The following APCDD1L variants were observed in gnomAD, a reference collection of about 807,000 sequenced individuals.
The protein encoded by APCDD1L is protein APCDD1-like.
Under a neutral mutation model 24.2 loss-of-function variants are expected in APCDD1L, and 21 were observed. The observed-to-expected ratio is 0.87, with a 90% CI of 0.61 to 1.25. The LOEUF (loss-of-function observed/expected upper bound fraction) is 1.25. Ranked by LOEUF, APCDD1L falls within the 50% of genes most tolerant of loss-of-function variation. APCDD1L has a pLI of 0.00. For missense variants in APCDD1L, 704 were observed against 711.7 expected (o/e 0.99, Z 0.12); for synonymous variants, 321 against 323.6 (o/e 0.99, Z 0.09).
rs1461494138 is a variant in APCDD1L, at chr20:58,467,969, G to T, written c.189-311C>A. The stretch of plus-strand genomic sequence containing the variant: ...CCCGCTGGCCTGGGAGCTCCGGGAT[G>T]CCCTGCCTGCTTCCTCCCCCGCTGG... On this transcript the variant is annotated intron_variant, in intron 2 of 3. Coordinates refer to ENST00000371149, the MANE Select transcript of APCDD1L (RefSeq NM_153360.3). This position sits in a 1 kb window ranked among gnomAD's most constrained non-coding sequence, Gnocchi z 5.9. 6.6e-6 allele frequency among the ~76,000 whole-genome samples: 1 copy of T among 152,140 alleles called. No individual in the cohort carries two copies. Among genetic ancestry groups the T allele is most frequent in the Non-Finnish European group, 1.5e-5 (1 of 68,026 alleles).
intron 1 of APCDD1L, among the ~76,000 whole-genome samples, chr20:58,487,909 TA>T (rs1990152755): frequency 6.6e-6 from 1 of 152,140 alleles, no homozygotes; most frequent in East Asian, 1.9e-4. Flanking sequence ...CACCAAAGCT[TA>T]AAAAACACAA....
chr20:58,503,772 C>T (rs1212525511), intron 1 of APCDD1L, among the ~76,000 whole-genome samples: 1 of 152,230 alleles, frequency 6.6e-6, no homozygotes, highest in Non-Finnish European at 1.5e-5. Flanking sequence ...TATAGGTTAG[C>T]TGCTTTGGTT....
intron 1 of APCDD1L, among the ~76,000 whole-genome samples, chr20:58,490,041 A>G (rs867410601): frequency 3.9e-5 from 6 of 152,158 alleles, no homozygotes; most frequent in African/African-American, 1.2e-4. Flanking sequence ...GTTTTCCTAC[A>G]TGTTTTAGAT....
chr20:58,466,182 C>G (rs1248753651), intron 3 of APCDD1L, among the ~76,000 whole-genome samples: 4 of 149,526 alleles, frequency 2.7e-5, no homozygotes, highest in African/African-American at 9.9e-5. Flanking sequence ...CAAATTAGGA[C>G]GGTATGCGTG....
At chr20:58,503,605 C>T (rs573366815) in intron 1 of APCDD1L, among the ~76,000 whole-genome samples, 2 of 152,192 alleles carry the variant, frequency 1.3e-5, no homozygotes, top group Non-Finnish European at 2.9e-5. Context: ...CTTTTCCTCC[C>T]TCTTTCTATA....
rs1341540346 is a variant in APCDD1L, at chr20:58,497,210, G to C, written c.49+17449C>G. On this transcript the variant is annotated intron_variant, in intron 1 of 3. Coordinates refer to ENST00000371149, the MANE Select transcript of APCDD1L (RefSeq NM_153360.3). This position sits in a 1 kb window ranked among gnomAD's most constrained non-coding sequence, Gnocchi z 4.3. ...AAAGGGGCCTCCTGGGGGTGAGGGG[G>C]CATGCAGCGGGTGGAGGCTGAGGGG... Among the ~76,000 whole-genome samples, 1 of 151,754 alleles carries C rather than the reference G, an allele frequency of 6.6e-6. No homozygotes were observed. The highest frequency in any genetic ancestry group is 2.4e-5 in the African/African-American group (1 of 41,276).
chr20:58,488,950 C>T (rs1487961335), intron 1 of APCDD1L, among the ~76,000 whole-genome samples: 3 of 151,988 alleles, frequency 2.0e-5, no homozygotes, highest in Non-Finnish European at 4.4e-5. Flanking sequence ...TTAGATCAAC[C>T]TCTGCTAAGA....
intron 1 of APCDD1L, among the ~76,000 whole-genome samples, chr20:58,500,989 G>A (rs1217314269): frequency 6.6e-6 from 1 of 152,132 alleles, no homozygotes; most frequent in African/African-American, 2.4e-5. Flanking sequence ...ACTCTGCCAG[G>A]TACCCCACAG....
chr20:58,514,507 G>T, intron 1 of APCDD1L, 152 bp downstream of exon 1: 2 of 774,234 alleles, frequency 2.6e-6, no homozygotes, highest in African/African-American at 1.8e-5. Flanking sequence ...CCGGCCAGGT[G>T]AGACTGGAGA....
intron 1 of APCDD1L, among the ~76,000 whole-genome samples, chr20:58,492,198 G>A (rs756925069): frequency 6.6e-6 from 1 of 152,252 alleles, no homozygotes; most frequent in Non-Finnish European, 1.5e-5. Context: ...AGAAAGGCAA[G>A]CTGGTAAATA....
chr20:58,467,706 C>A lies in APCDD1L; in HGVS notation c.189-48G>T. On this transcript the variant is annotated intron_variant, in intron 2 of 3. Coordinates refer to ENST00000371149, the MANE Select transcript of APCDD1L (RefSeq NM_153360.3). The surrounding 1 kb of genome is among the most constrained non-coding windows in gnomAD (Gnocchi z 5.9). Reference sequence around the variant, plus strand: ...GCTGGGTGCAGAGGGAACACCGCGCCGCGAGCCCCTCTCCCCTCTGGGCTG... The same window carrying A: ...GCTGGGTGCAGAGGGAACACCGCGCAGCGAGCCCCTCTCCCCTCTGGGCTG... The A allele has an allele frequency of 7.1e-7, 1 of 1,402,750 alleles. No homozygotes were observed. Among genetic ancestry groups the A allele is most frequent in the East Asian group, 2.9e-5 (1 of 34,532 alleles). 86.9% of individuals were successfully genotyped at this position (1,402,750 alleles called of 1,614,324 possible). A position where few individuals can be genotyped will look rare whatever the true frequency, so the allele number is the denominator to read the frequency against.
chr20:58,493,448 C>G (rs549342691), intron 1 of APCDD1L, among the ~76,000 whole-genome samples: 1 of 152,144 alleles, frequency 6.6e-6, no homozygotes, highest in Non-Finnish European at 1.5e-5. Context: ...TAGAGACAAA[C>G]GAGATGATGG....
rs777933315 is a variant in APCDD1L at position 58,467,191 on chromosome 20, A to G, written c.656T>C (p.Leu219Pro). The G allele has an allele frequency of 1.9e-6, 3 of 1,606,058 alleles. No individual in the cohort carries two copies. The highest frequency in any genetic ancestry group is 1.7e-5 in the Admixed American group (1 of 59,948). Residue 219 changes from leucine (L) to proline (P), a missense_variant, in exon 3 of 4, where the codon CTG becomes CCG. By Grantham distance (98) the Leu-to-Pro change is moderately conservative (BLOSUM62 -3). Transcript: ENST00000371149. The surrounding 1 kb of genome is among the most constrained non-coding windows in gnomAD (Gnocchi z 5.9). ...GTCGGTGTGGATGTCCCCCAGGTAC[A>G]GCTCCTCCACCAGCCGGGGCGACGC... is the stretch of plus-strand genomic sequence containing the variant. The part of the protein sequence containing the change: ...PRASPRLVEE[L>P]YLGDIHTDPA...
intron 1 of APCDD1L, among the ~76,000 whole-genome samples, chr20:58,495,537 G>A (rs1161727526): frequency 1.3e-5 from 2 of 151,948 alleles, no homozygotes; most frequent in African/African-American, 4.8e-5. Context: ...CCCGAGGGCA[G>A]GGACCTCGAC....
rs1990721760 is a variant in APCDD1L at position 58,515,260 on chromosome 20, GCGTCAA to G, written c.-559_-554del. 1.0e-5 allele frequency: 2 copies of G among 198,362 alleles called. No homozygotes were observed. Among genetic ancestry groups the G allele is most frequent in the Non-Finnish European group, 2.0e-5 (2 of 99,210 alleles). 12.3% of individuals were successfully genotyped at this position (198,362 alleles called of 1,614,324 possible). A position where few individuals can be genotyped will look rare whatever the true frequency, so the allele number is the denominator to read the frequency against. On this transcript the variant is annotated 5_prime_UTR_variant, in exon 1 of 4. Coordinates refer to ENST00000371149, the MANE Select transcript of APCDD1L (RefSeq NM_153360.3). ...TCTTCCAGCTACTCCTGGAAAAGTC[GCGTCAA>G]CTTGGATCCCAGCAAACCCAGAAGC...
intron 1 of APCDD1L, among the ~76,000 whole-genome samples, chr20:58,513,244 C>T (rs943560126): frequency 1.3e-5 from 2 of 152,202 alleles, no homozygotes; most frequent in Non-Finnish European, 2.9e-5. Flanking sequence ...CGCGCTTCCA[C>T]AGCTGGCCCC....
intron 3 of APCDD1L, among the ~76,000 whole-genome samples, chr20:58,464,723 T>A (rs1353919953): frequency 6.6e-6 from 1 of 152,184 alleles, no homozygotes; most frequent in Non-Finnish European, 1.5e-5. Flanking sequence ...TCTAAAAATG[T>A]TCATGTTTAC....
At chr20:58,509,641 C>T (rs2123196721) in intron 1 of APCDD1L, among the ~76,000 whole-genome samples, 1 of 152,260 alleles carries the variant, frequency 6.6e-6, no homozygotes, top group Admixed American at 6.5e-5. Context: ...TCATTATTAC[C>T]AGGCTCTGAA....
At chr20:58,487,755 A>G (rs559765328) in intron 1 of APCDD1L, among the ~76,000 whole-genome samples, 1 of 152,356 alleles carries the variant, frequency 6.6e-6, no homozygotes, top group Admixed American at 6.5e-5. Context: ...CAACCTGCCA[A>G]GAAAAGATGG....
Sources: allele counts gnomAD v4.1 joint callset (sites outside exome capture counted in the v4.1 genomes callset), GRCh38; gene constraint gnomAD v4.1.1; non-coding constraint Gnocchi (gnomAD v3.1); transcripts MANE v1.5; gene names NCBI Gene and HGNC (gene_info 2026-07-23, HGNC 2026-07-21).